CADPS2: variants seen among roughly 807,000 people sequenced by gnomAD.
The protein encoded by CADPS2 is calcium-dependent secretion activator 2.
A neutral mutation model predicts 172.5 loss-of-function variants in CADPS2; 93 were observed. That is an observed-to-expected ratio of 0.54 (90% CI 0.46 to 0.64). The LOEUF is 0.64. Ranked by LOEUF, CADPS2 falls within the 30% of genes least tolerant of loss-of-function variation. The pLI is 0.00. For missense variants in CADPS2, 1,420 were observed against 1,565.9 expected (o/e 0.91, Z 1.57); for synonymous variants, 546 against 555.2 (o/e 0.98, Z 0.23).
intron 1 of CADPS2, among the ~76,000 whole-genome samples, chr7:122,806,821 G>A (rs1305922023): frequency 1.3e-5 from 2 of 152,120 alleles, no homozygotes; most frequent in Non-Finnish European, 2.9e-5. Flanking sequence ...ACTAAAATAA[G>A]TTGTTGCAAA....
chr7:122,699,995 C>T (rs2085769472), intron 2 of CADPS2, among the ~76,000 whole-genome samples: 1 of 152,158 alleles, frequency 6.6e-6, no homozygotes, highest in Non-Finnish European at 1.5e-5. Flanking sequence ...TTAGAAGATT[C>T]CACAGGCTCT....
intron 3 of CADPS2, among the ~76,000 whole-genome samples, chr7:122,638,965 T>C (rs148016854): frequency 6.6e-6 from 1 of 152,326 alleles, no homozygotes; most frequent in East Asian, 1.9e-4. Context: ...TCTGCCACCT[T>C]GAACCCTAAG....
At chr7:122,341,582 A>G (rs1197498389) in intron 28 of CADPS2, among the ~76,000 whole-genome samples, 4 of 152,200 alleles carry the variant, frequency 2.6e-5, no homozygotes, top group Admixed American at 6.5e-5. Flanking sequence ...TTCCCATAAC[A>G]CTACTTTATC....
rs989544431 is a variant in CADPS2 at position 122,515,818 on chromosome 7, T to TA, written c.1476-2504dup. The stretch of plus-strand genomic sequence containing the variant: ...TGTACCCTAAAACTTAAAAGTATAA[T>TA]AAAAAAATTAATTAAAAAATAATAA... On this transcript the variant is annotated intron_variant, in intron 8 of 29. Coordinates refer to ENST00000449022, the MANE Select transcript of CADPS2 (RefSeq NM_017954.11). Among the ~76,000 whole-genome samples, 5 of 143,086 alleles carry TA rather than the reference T, an allele frequency of 3.5e-5. No homozygotes were observed. In the Admixed American group the frequency reaches 3.7e-4, roughly 11 times the overall value. The allele number at this position is 143,086 out of a possible 152,430, so 93.9% of individuals were successfully genotyped here.
At chr7:122,428,987 T>C (rs1267689713) in intron 17 of CADPS2, among the ~76,000 whole-genome samples, 2 of 152,128 alleles carry the variant, frequency 1.3e-5, no homozygotes, top group African/African-American at 2.4e-5. Flanking sequence ...GCAGACATTT[T>C]CTGAGAAAAC....
chr7:122,705,728 T>TATAATATATA, intron 2 of CADPS2, among the ~76,000 whole-genome samples: 1 of 13,680 alleles, frequency 7.3e-5, no homozygotes, highest in Non-Finnish European at 1.6e-4. Context: ...TAATATATCA[T>TATAATATATA]ATATTATATA....
chr7:122,507,718 G>A (rs533866154), intron 9 of CADPS2, among the ~76,000 whole-genome samples: 411 of 152,272 alleles, frequency 2.7e-3, no homozygotes, highest in Admixed American at 3.5e-3. Flanking sequence ...TGTTAAGAAC[G>A]AGGGAAGTGG....
chr7:122,429,363 G>A (rs1016543853), intron 17 of CADPS2, among the ~76,000 whole-genome samples: 1 of 148,428 alleles, frequency 6.7e-6, no homozygotes, highest in Admixed American at 6.8e-5. Context: ...CTCAAGCAAT[G>A]AGTTTTTACA....
At chr7:122,852,027 C>T (rs1402151211) in intron 1 of CADPS2, among the ~76,000 whole-genome samples, 5 of 152,224 alleles carry the variant, frequency 3.3e-5, no homozygotes, top group South Asian at 2.1e-4. Context: ...CATGGTCAAA[C>T]AGCTAGTAAG....
At chr7:122,712,369 A>G (rs58199807) in intron 2 of CADPS2, among the ~76,000 whole-genome samples, 31 of 152,114 alleles carry the variant, frequency 2.0e-4, no homozygotes, top group African/African-American at 6.3e-4. Context: ...TAGAAGCACA[A>G]TCTAAGAACC....
intron 13 of CADPS2, among the ~76,000 whole-genome samples, chr7:122,473,858 A>G (rs532553114): frequency 3.9e-5 from 6 of 152,292 alleles, no homozygotes; most frequent in Non-Finnish European, 5.9e-5. Flanking sequence ...AAGGAATTCA[A>G]GTTATACTTT....
Position 122,319,321 on chromosome 7 carries a change from T to C in CADPS2, c.*844A>G, listed in dbSNP as rs536097833. 14 of 152,214 alleles carry C rather than the reference T, an allele frequency of 9.2e-5. No homozygotes were observed. Among genetic ancestry groups the C allele is most frequent in the African/African-American group, 3.4e-4 (14 of 41,458 alleles). The allele number at this position is 152,214 out of a possible 1,614,324, so 9.4% of individuals were successfully genotyped here. A position where few individuals can be genotyped will look rare whatever the true frequency, so the allele number is the denominator to read the frequency against. On this transcript the variant is annotated 3_prime_UTR_variant, in exon 30 of 30. Transcript: ENST00000449022. ...CAAGAAACAAAAACACAGAGTCAGATAGTTGGGATGTTTGAAACACTGCAA... is the reference window on the plus strand; with the variant it reads ...CAAGAAACAAAAACACAGAGTCAGACAGTTGGGATGTTTGAAACACTGCAA...
At chr7:122,737,111 A>C in intron 1 of CADPS2, 43 bp from the exon 2 acceptor site, 2 of 974,076 alleles carry the variant, frequency 2.1e-6, no homozygotes, top group Non-Finnish European at 3.3e-6. Context: ...TGGCCAGTAC[A>C]TGAAAAAATA....
chr7:122,699,144 C>G (rs1405306801), intron 2 of CADPS2: 1 of 487,364 alleles, frequency 2.1e-6, no homozygotes, highest in East Asian at 3.5e-5. Context: ...ACTGTTAACT[C>G]TAGATACTGC....
intron 19 of CADPS2, among the ~76,000 whole-genome samples, chr7:122,410,405 A>C (rs1004605046): frequency 2.0e-5 from 3 of 152,068 alleles, no homozygotes; most frequent in African/African-American, 7.2e-5. Context: ...ACAAATAAGC[A>C]ATACAAATAT....
chr7:122,401,601 C>A (rs779592029), intron 20 of CADPS2, among the ~76,000 whole-genome samples: 1 of 152,160 alleles, frequency 6.6e-6, no homozygotes, highest in Non-Finnish European at 1.5e-5. Context: ...ATTGAACCAT[C>A]GTGCCAATTA....
intron 25 of CADPS2, among the ~76,000 whole-genome samples, chr7:122,361,379 G>A (rs1363882196): frequency 6.6e-6 from 1 of 151,542 alleles, no homozygotes; most frequent in Non-Finnish European, 1.5e-5. Context: ...AACTACAGGC[G>A]TCCGCCACCA....
At chr7:122,534,151 T>C (rs2062019594) in intron 8 of CADPS2, among the ~76,000 whole-genome samples, 1 of 152,154 alleles carries the variant, frequency 6.6e-6, no homozygotes, top group African/African-American at 2.4e-5. Context: ...CTGAATTCTA[T>C]TTATTGCACC....
chr7:122,437,447 T>C (rs1283350596), intron 17 of CADPS2, among the ~76,000 whole-genome samples: 2 of 152,164 alleles, frequency 1.3e-5, no homozygotes, highest in Non-Finnish European at 2.9e-5. Flanking sequence ...ACTATACTAA[T>C]ATCAACTGCT....
Sources: allele counts gnomAD v4.1 joint callset (sites outside exome capture counted in the v4.1 genomes callset), GRCh38; gene constraint gnomAD v4.1.1; transcripts MANE v1.5; gene names NCBI Gene and HGNC (gene_info 2026-07-23, HGNC 2026-07-21).